The following WDR90 variants were observed in gnomAD, a reference collection of about 807,000 sequenced individuals.
The protein encoded by WDR90 is WD repeat domain 90.
WDR90 carries 238 observed loss-of-function variants against 195.2 expected under a neutral mutation model. That is an observed-to-expected ratio of 1.22 (90% confidence interval 1.10 to 1.36). The LOEUF is 1.36. Among genes scored for constraint, WDR90 ranks in the 40% most tolerant of loss-of-function variants. The pLI, the probability that WDR90 is intolerant of heterozygous loss-of-function variation, is 0.00. For synonymous variants in WDR90, 1,265 were observed against 1,052.4 expected (o/e 1.20, Z -3.91); for missense variants, 2,734 against 2,439.5 (o/e 1.12, Z -2.54).
chr16:660,838 C>T (rs2037881399), intron 28 of WDR90, 124 bp downstream of exon 28: 2 of 1,159,126 alleles, frequency 1.7e-6, no homozygotes, highest in Admixed American at 2.8e-5. Flanking sequence ...GGGCTCTGTT[C>T]TCCCGGTAGC....
In WDR90 at chr16:661,137, G is replaced by A; in HGVS notation, c.3478G>A (p.Glu1160Lys). The A allele has an allele frequency of 6.4e-7, 1 of 1,562,890 alleles. No homozygotes were observed. The highest frequency in any genetic ancestry group is 8.6e-7 in the Non-Finnish European group (1 of 1,161,292). ...GCAGCACTGGTCCGGCCACTCTGCG[G>A]AGATCTCCACGCTGGCCCTCAGCCA... is the stretch of plus-strand genomic sequence containing the variant. ...AQQHWSGHSA[E>K]ISTLALSHSA... Residue 1160 changes from glutamate to lysine, a missense_variant, in exon 29 of 41, where the codon GAG becomes AAG. Physicochemically the swap from Glu to Lys is moderately conservative, Grantham distance 56. Coordinates refer to ENST00000293879, the MANE Select transcript of WDR90 (RefSeq NM_145294.5).
At chr16:649,888 C>A in intron 2 of WDR90, 34 bp downstream of exon 2, 1 of 1,577,580 alleles carries the variant, frequency 6.3e-7, no homozygotes, top group Non-Finnish European at 8.6e-7. Flanking sequence ...GAGCCCACAC[C>A]CCTGCCCTGC....
In WDR90 at chr16:651,295, G is replaced by A. The variant is rs201872309; in HGVS notation, c.736+29G>A. ...GGTCTGGGGGGTCAGCGGGGACCCA[G>A]GTTAAGGCCTGTAGGGTGCGTGGGG... is the stretch of plus-strand genomic sequence containing the variant. On this transcript the variant is annotated intron_variant, in intron 7 of 40. Transcript: ENST00000293879. The A allele has an allele frequency of 2.1e-4, 339 of 1,611,310 alleles. No individual in the cohort carries two copies. The African/African-American group carries it at 4.1e-3, about 20-fold the overall frequency.
intron 23 of WDR90, 91 bp downstream of exon 23, chr16:658,744 GAGC>G: frequency 6.4e-7 from 1 of 1,562,054 alleles, no homozygotes; most frequent in South Asian, 1.2e-5. Context: ...GGGGCAGGGA[GAGC>G]AGAAGGTGAG....
Position 653,688 on chromosome 16 carries a change from C to G in WDR90, c.1379+18C>G, listed in dbSNP as rs373422509. On this transcript the variant is annotated intron_variant, in intron 12 of 40. Coordinates refer to ENST00000293879, the MANE Select transcript of WDR90 (RefSeq NM_145294.5). ...TCTCTCAGGTGAGCACAGGTCTGCC[C>G]CATGCAGGGGGAGGGGGTCAGCCCA... 265 of 1,613,258 alleles carry G rather than the reference C, an allele frequency of 1.6e-4. 1 individual carries two copies. In the African/African-American group the frequency reaches 3.2e-3, roughly 19 times the overall value.
At chr16:663,086 C>T (rs1384722563) in intron 34 of WDR90, 1 of 654,420 alleles carries the variant, frequency 1.5e-6, no homozygotes, top group South Asian at 1.6e-5. Context: ...CTGTCCTTTC[C>T]CTGCTATTGC....
Position 666,213 on chromosome 16 carries a change from G to A in WDR90, c.4610-7G>A, listed in dbSNP as rs750632017. 3 of 1,611,144 alleles carry A rather than the reference G, an allele frequency of 1.9e-6. No homozygotes were observed. In the East Asian group the frequency reaches 6.7e-5, roughly 36 times the overall value. ...TGGGGGCTCACAGGGTGACGGCATG[G>A]TCCCAGGTCAGACTGTCCTCTCTGG... On this transcript the variant is annotated splice_region_variant and splice_polypyrimidine_tract_variant and intron_variant, in intron 36 of 40. Transcript: ENST00000293879.
intron 5 of WDR90, 60 bp from the exon 6 acceptor site, chr16:650,935 G>A: frequency 5.1e-6 from 8 of 1,581,396 alleles, no homozygotes; most frequent in Non-Finnish European, 6.9e-6. Flanking sequence ...CTTGGCGGGT[G>A]CCCTGTGTTC....
Position 649,832 on chromosome 16 carries a change from A to C in WDR90, c.80A>C (p.Gln27Pro). The change falls in exon 2 of 41, where the codon CAG (glutamine) becomes CCG (proline). Residue 27 changes from glutamine (Q) to proline (P), a missense_variant. Physicochemically the swap from Gln to Pro is moderately conservative, Grantham distance 76. Transcript: ENST00000293879. ...RVDEWKRSAK[Q>P]GDVAVVTDKT... is the part of the protein sequence containing the mutation. Reference sequence around the variant, plus strand: ...GACGAGTGGAAGCGCTCCGCCAAGCAGGGGGACGTGGCCGTGGTCACGGTA... The same window carrying C: ...GACGAGTGGAAGCGCTCCGCCAAGCCGGGGGACGTGGCCGTGGTCACGGTA... The C allele has an allele frequency of 6.3e-7, 1 of 1,582,966 alleles. No homozygotes were observed. Among genetic ancestry groups the C allele is most frequent in the Non-Finnish European group, 8.6e-7 (1 of 1,165,016 alleles).
intron 34 of WDR90, chr16:665,315 C>T (rs2038000363): frequency 2.1e-6 from 1 of 475,010 alleles, no homozygotes; most frequent in Non-Finnish European, 3.6e-6. Flanking sequence ...TGTCTTTCAG[C>T]CTCAGTCTGC....
At chr16:664,699 T>C (rs2037987253) in intron 34 of WDR90, among the ~76,000 whole-genome samples, 1 of 151,932 alleles carries the variant, frequency 6.6e-6, no homozygotes. Flanking sequence ...TTTTTTTTTT[T>C]TGAGACGGAG....
At chr16:667,333 C>G (rs1427125217) in intron 40 of WDR90, 99 bp from the exon 41 acceptor site, 10 of 1,475,534 alleles carry the variant, frequency 6.8e-6, no homozygotes, top group African/African-American at 1.4e-5. Context: ...GCTCCCCCGA[C>G]CAGCATCATG....
chr16:652,831 T>C (rs1475224317), intron 10 of WDR90, among the ~76,000 whole-genome samples: 1 of 152,128 alleles, frequency 6.6e-6, no homozygotes, highest in Non-Finnish European at 1.5e-5. Flanking sequence ...TCTCACGTCT[T>C]TAGAGCTCTG....
Position 655,386 on chromosome 16 carries a change from G to T in WDR90, c.1636G>T (p.Gly546Trp). The T allele has an allele frequency of 6.3e-7, 1 of 1,599,340 alleles. No individual in the cohort carries two copies. ...GVLRSCPVDL[G>W]EHHALQFTDL... ...GCTGCGTTCCTGCCCCGTGGACTTA[G>T]GGGAGCACCACGCGCTGCAGTTCAC... The change falls in exon 15 of 41, where the codon GGG becomes TGG. Residue 546 changes from glycine to tryptophan, a missense_variant. Transcript: ENST00000293879.
chr16:661,460 C>T lies in WDR90; in HGVS notation c.3632C>T (p.Ala1211Val), dbSNP rs1401196151. Residue 1211 changes from alanine to valine, a missense_variant, in exon 30 of 41, where the codon GCC (alanine) becomes GTC (valine). Coordinates refer to ENST00000293879, the MANE Select transcript of WDR90 (RefSeq NM_145294.5). ...LIFPHSTTVL[A>V]LAFSPDDRLL... is the part of the protein sequence containing the mutation. ...TTCCCCCATAGCACCACCGTGCTGG[C>T]CCTGGCCTTCTCACCAGATGACAGG... The T allele has an allele frequency of 1.2e-6, 2 of 1,611,338 alleles. No individual in the cohort carries two copies. The highest frequency in any genetic ancestry group is 1.7e-6 in the Non-Finnish European group (2 of 1,179,176).
chr16:652,661 G>A, intron 10 of WDR90, 126 bp downstream of exon 10: 2 of 1,046,672 alleles, frequency 1.9e-6, no homozygotes, highest in Non-Finnish European at 2.5e-6. Flanking sequence ...AGCCCCCCTG[G>A]CACAGCGGTC....
At chr16:655,529 CCCTTCCCTGAGGGCCTCA>C in intron 15 of WDR90, 26 bp from the exon 16 acceptor site, 1 of 1,547,922 alleles carries the variant, frequency 6.5e-7, no homozygotes, top group Non-Finnish European at 8.7e-7. Flanking sequence ...CCTGGGCCTC[CCCTTCCCTGAGGGCCTCA>C]CCTTCCCTGC....
chr16:657,425 C>A (rs2037784122), intron 20 of WDR90: 6 of 919,374 alleles, frequency 6.5e-6, no homozygotes, highest in Non-Finnish European at 9.5e-6. Flanking sequence ...CAGAGGTCAG[C>A]TCGGGTCTGT....
In WDR90 at chr16:659,247, C is replaced by A. The variant is rs369981698; in HGVS notation, c.3055C>A (p.Pro1019Thr). Residue 1019 changes from proline to threonine, a missense_variant and splice_region_variant, in exon 26 of 41, where the codon CCG becomes ACG. Pro to Thr is a conservative substitution (Grantham distance 38, BLOSUM62 -1). Coordinates refer to ENST00000293879, the MANE Select transcript of WDR90 (RefSeq NM_145294.5). ...TCACAGGGCTGCTTCTTCCCCAGGC[C>A]CGGGCGCAGGACCGCTGGAGGACGC... is the stretch of plus-strand genomic sequence containing the variant. ...PGAPPACKTG[P>T]GAGPLEDAAS... 1.3e-5 allele frequency: 21 copies of A among 1,611,584 alleles called. No individual in the cohort carries two copies. Among genetic ancestry groups the A allele is most frequent in the African/African-American group, 8.0e-5 (6 of 74,894 alleles).
Sources: gnomAD v4.1 joint callset for allele counts (sites outside exome capture counted in the v4.1 genomes callset) on GRCh38, gnomAD v4.1.1 for gene constraint, MANE v1.5 for transcripts, NCBI Gene and HGNC (gene_info 2026-07-23, HGNC 2026-07-21) for gene names.